Variants in CMSS1 observed in about 807,000 individuals in gnomAD.
CMSS1 encodes protein CMSS1.
Under a neutral mutation model 43.5 loss-of-function variants are expected in CMSS1, and 33 were observed. That is an observed-to-expected ratio of 0.76 (90% CI 0.57 to 1.01). The LOEUF (loss-of-function observed/expected upper bound fraction) is 1.01, where lower values mean the gene tolerates loss of function less well. CMSS1 is among the 50% of genes least tolerant of loss of function. CMSS1 has a pLI of 0.00. For missense variants in CMSS1, 313 were observed against 326.4 expected, an observed-to-expected ratio of 0.96 and a Z score of 0.32; for synonymous variants, 115 against 117.2, an observed-to-expected ratio of 0.98 and a Z score of 0.12.
chr3:99,870,868 C>A (rs533796886), intron 1 of CMSS1, among the ~76,000 whole-genome samples: 2 of 152,168 alleles, frequency 1.3e-5, no homozygotes, highest in Non-Finnish European at 2.9e-5. Flanking sequence ...ATCTTCCAGG[C>A]CTTCACCTGA....
chr3:99,849,778 T>C, intron 1 of CMSS1: 1 of 1,613,766 alleles, frequency 6.2e-7, no homozygotes, highest in Non-Finnish European at 8.5e-7. Flanking sequence ...TTTCAGTCTT[T>C]CCACTTCTTG....
chr3:100,176,958 A>G (rs1247120707), intron 9 of CMSS1, among the ~76,000 whole-genome samples: 1 of 152,208 alleles, frequency 6.6e-6, no homozygotes, highest in African/African-American at 2.4e-5. Context: ...AGCTCATTAT[A>G]TATTTTTAAA....
chr3:99,955,457 G>A (rs1470408917), intron 1 of CMSS1, among the ~76,000 whole-genome samples: 1 of 152,146 alleles, frequency 6.6e-6, no homozygotes, highest in East Asian at 1.9e-4. Flanking sequence ...TGGCTCTGGG[G>A]GATAATAGAA....
chr3:99,963,054 C>T (rs1426560495), intron 1 of CMSS1, among the ~76,000 whole-genome samples: 1 of 152,198 alleles, frequency 6.6e-6, no homozygotes, highest in Non-Finnish European at 1.5e-5. Flanking sequence ...TTGCTTGCAG[C>T]CTTAGTTTCT....
chr3:99,906,160 C>T (rs1466273490), intron 1 of CMSS1, among the ~76,000 whole-genome samples: 1 of 152,176 alleles, frequency 6.6e-6, no homozygotes, highest in Non-Finnish European at 1.5e-5. Flanking sequence ...CACCACTGTA[C>T]TCCATCCACC....
At chr3:100,124,107 G>A (rs969469870) in intron 1 of CMSS1, among the ~76,000 whole-genome samples, 16 of 152,102 alleles carry the variant, frequency 1.1e-4, no homozygotes, top group African/African-American at 2.7e-4. Flanking sequence ...ATGACTCTCC[G>A]CTAGAATAAA....
chr3:100,030,982 A>G (rs1239552387), intron 1 of CMSS1, among the ~76,000 whole-genome samples: 2 of 152,176 alleles, frequency 1.3e-5, no homozygotes, highest in Non-Finnish European at 2.9e-5. Flanking sequence ...TGAGAAATAT[A>G]TTTACCACCT....
chr3:99,899,263 G>C (rs912521837), intron 1 of CMSS1, among the ~76,000 whole-genome samples: 2 of 152,160 alleles, frequency 1.3e-5, no homozygotes, highest in African/African-American at 4.8e-5. Context: ...AGGACACTTG[G>C]TTATAATTTT....
intron 1 of CMSS1, among the ~76,000 whole-genome samples, chr3:100,011,054 G>T (rs1003960653): frequency 3.3e-5 from 5 of 152,080 alleles, no homozygotes; most frequent in Non-Finnish European, 5.9e-5. Flanking sequence ...GTGGTGCAAG[G>T]ATGGTACCAG....
intron 1 of CMSS1, among the ~76,000 whole-genome samples, chr3:100,033,105 G>C (rs1296148961): frequency 6.6e-6 from 1 of 151,466 alleles, no homozygotes; most frequent in Non-Finnish European, 1.5e-5. Context: ...CAACTATATT[G>C]CTGGATAGCA....
intron 1 of CMSS1, among the ~76,000 whole-genome samples, chr3:100,100,848 G>T (rs920185011): frequency 9.2e-5 from 14 of 152,152 alleles, no homozygotes; most frequent in Non-Finnish European, 1.0e-4. Flanking sequence ...CTTTTGAAGA[G>T]AATTCTTTCA....
intron 6 of CMSS1, among the ~76,000 whole-genome samples, chr3:100,170,650 C>T (rs1393873913): frequency 6.6e-6 from 1 of 152,194 alleles, no homozygotes; most frequent in East Asian, 1.9e-4. Flanking sequence ...AAACCCTGGA[C>T]AGATAATGTT....
chr3:99,921,350 G>GA (rs1707118531), intron 1 of CMSS1, among the ~76,000 whole-genome samples: 1 of 152,078 alleles, frequency 6.6e-6, no homozygotes, highest in Non-Finnish European at 1.5e-5. Flanking sequence ...ATACTACTTT[G>GA]ATGCACATGG....
At chr3:99,876,139 G>T in intron 1 of CMSS1, 1 of 986,176 alleles carries the variant, frequency 1.0e-6, no homozygotes, top group South Asian at 4.7e-5. Context: ...GCTGCGAGCC[G>T]ACTGTGCGCG....
At chr3:99,939,208 GCA>G (rs1189618218) in intron 1 of CMSS1, among the ~76,000 whole-genome samples, 1 of 152,084 alleles carries the variant, frequency 6.6e-6, no homozygotes, top group East Asian at 1.9e-4. Flanking sequence ...ATAGTATCAG[GCA>G]CTTAGTATTT....
At chr3:99,940,651 T>C (rs887370707) in intron 1 of CMSS1, among the ~76,000 whole-genome samples, 1 of 152,214 alleles carries the variant, frequency 6.6e-6, no homozygotes, top group Non-Finnish European at 1.5e-5. Context: ...TCTAGGAAGA[T>C]GTGAATCCTA....
chr3:100,088,736 G>A lies in CMSS1; in HGVS notation c.65-58237G>A, dbSNP rs1559753503. Among the ~76,000 whole-genome samples, 3 of 151,772 alleles carry A rather than the reference G, an allele frequency of 2.0e-5. No homozygotes were observed. The East Asian group carries it at 5.8e-4, about 29-fold the overall frequency. On this transcript the variant is annotated intron_variant, in intron 1 of 9. Coordinates refer to ENST00000421999, the MANE Select transcript of CMSS1 (RefSeq NM_032359.4). ...TCCTGACATATTTTCTTGTCCTTGT[G>A]CCTTGTAATTTCTTTTTCTTCATAT... is the stretch of plus-strand genomic sequence containing the variant.
At chr3:99,969,308 C>G (rs1260031444) in intron 1 of CMSS1, among the ~76,000 whole-genome samples, 5 of 152,108 alleles carry the variant, frequency 3.3e-5, no homozygotes, top group Non-Finnish European at 7.4e-5. Context: ...TGTTTGGGCT[C>G]TTGAGCAATA....
chr3:100,145,641 G>C (rs2066843591), intron 1 of CMSS1, among the ~76,000 whole-genome samples: 1 of 152,152 alleles, frequency 6.6e-6, no homozygotes, highest in Non-Finnish European at 1.5e-5. Context: ...TCTAGTCCTA[G>C]TCTAAAGGCC....
Sources: allele counts gnomAD v4.1 joint callset (sites outside exome capture counted in the v4.1 genomes callset), GRCh38; gene constraint gnomAD v4.1.1; transcripts MANE v1.5; gene names NCBI Gene and HGNC (gene_info 2026-07-23, HGNC 2026-07-21).